CCDC66: variants seen among roughly 807,000 people sequenced by gnomAD.
The protein encoded by CCDC66 is coiled-coil domain-containing protein 66.
Under a neutral mutation model 128.3 loss-of-function variants are expected in CCDC66, and 133 were observed. The observed-to-expected ratio is 1.04, with a 90% CI of 0.90 to 1.20. CCDC66 has a LOEUF of 1.20. CCDC66 is among the 50% of genes most tolerant of loss of function. CCDC66 has a pLI of 0.00. For synonymous variants in CCDC66, 387 were observed against 357.0 expected (o/e 1.08, Z -0.95); for missense variants, 1,126 against 1,075.5 (o/e 1.05, Z -0.66).
Position 56,613,704 on chromosome 3 carries a change from T to A in CCDC66, c.1520T>A (p.Met507Lys). ...ELRLAQEREE[M>K]QKQYEEDILK... ...CGCTTAGCACAGGAACGTGAAGAGATGCAGAAACAGTATGAAGAAGACATA... is the reference window on the plus strand; with the variant it reads ...CGCTTAGCACAGGAACGTGAAGAGAAGCAGAAACAGTATGAAGAAGACATA... The change falls in exon 11 of 18, where the codon ATG (methionine) becomes AAG (lysine). Residue 507 changes from methionine to lysine, a missense_variant. Physicochemically the swap from Met to Lys is moderately conservative, Grantham distance 95. Transcript: ENST00000394672. 6.2e-7 allele frequency: 1 copy of A among 1,613,910 alleles called. No homozygotes were observed. Among genetic ancestry groups the A allele is most frequent in the East Asian group, 2.2e-5 (1 of 44,870 alleles).
rs184859178 is a variant in CCDC66, at chr3:56,615,285, C to G, written c.1711+13C>G. ...AAAAATCTTGGTGGTAAGGGCCTAA[C>G]CAGAACTTTATTTATAATATTTTTA... is the stretch of plus-strand genomic sequence containing the variant. On this transcript the variant is annotated intron_variant, in intron 12 of 17. Coordinates refer to ENST00000394672, the MANE Select transcript of CCDC66 (RefSeq NM_001141947.3). The G allele has an allele frequency of 3.1e-6, 5 of 1,587,426 alleles. No individual in the cohort carries two copies. In the African/African-American group the frequency reaches 5.5e-5, roughly 17 times the overall value.
chr3:56,582,845 TTTCTTTA>T lies in CCDC66; in HGVS notation c.937-10122_937-10116del, dbSNP rs1468511443. On this transcript the variant is annotated intron_variant, in intron 7 of 17. Coordinates refer to ENST00000394672, the MANE Select transcript of CCDC66 (RefSeq NM_001141947.3). ...TCTTTCCCTTTTTTGACTTCTCAACTTTCTTTATTATTATTATTATTATTATTATTAT... is the reference window on the plus strand; with the variant it reads ...TCTTTCCCTTTTTTGACTTCTCAACTTTATTATTATTATTATTATTATTAT... 2.0e-3 allele frequency among the ~76,000 whole-genome samples: 252 copies of T among 127,890 alleles called. 3 individuals are homozygous for T. The highest frequency in any genetic ancestry group is 6.0e-3 in the South Asian group (23 of 3,818). 83.9% of individuals were successfully genotyped at this position (127,890 alleles called of 152,430 possible).
chr3:56,557,163 G>T (rs1336440793), upstream of CCDC66: 1 of 1,541,956 alleles, frequency 6.5e-7, no homozygotes, highest in South Asian at 1.2e-5. Context: ...TCCAATTGGC[G>T]TAGCGCTTGC....
At chr3:56,606,543 G>T (rs922454300) in intron 10 of CCDC66, among the ~76,000 whole-genome samples, 7 of 151,892 alleles carry the variant, frequency 4.6e-5, no homozygotes, top group African/African-American at 1.5e-4. Flanking sequence ...AGATTTCCCT[G>T]ACCCTTTGCA....
chr3:56,603,776 G>C (rs1288071908), intron 10 of CCDC66, among the ~76,000 whole-genome samples: 1 of 152,000 alleles, frequency 6.6e-6, no homozygotes, highest in African/African-American at 2.4e-5. Context: ...ATTTGGGGTG[G>C]AGAGTTCTGT....
At position 56,559,541 on chromosome 3, in the gene CCDC66, G is replaced by A. The variant is rs766694547; in HGVS notation, c.77-28G>A. 1.1e-5 allele frequency: 16 copies of A among 1,480,986 alleles called. 1 individual carries two copies. The South Asian group carries it at 1.7e-4, about 15-fold the overall frequency. 91.7% of individuals were successfully genotyped at this position (1,480,986 alleles called of 1,614,324 possible). A position where few individuals can be genotyped will look rare whatever the true frequency, so the allele number is the denominator to read the frequency against. ...CACCTTAGTATGCTTTTGGTGGATAGTTTAGTAATTTCTTTTTTCTTTTGT... is the reference window on the plus strand; with the variant it reads ...CACCTTAGTATGCTTTTGGTGGATAATTTAGTAATTTCTTTTTTCTTTTGT... On this transcript the variant is annotated intron_variant, in intron 2 of 17. Coordinates refer to ENST00000394672, the MANE Select transcript of CCDC66 (RefSeq NM_001141947.3).
At chr3:56,620,803 T>C (rs763645466) in intron 17 of CCDC66, 1 of 152,222 alleles carries the variant, frequency 6.6e-6, no homozygotes, top group Non-Finnish European at 1.5e-5. Flanking sequence ...CCCAGTGTTA[T>C]TTCAGCAGGA....
rs752243457 is a variant in CCDC66 at position 56,615,219 on chromosome 3, G to A, written c.1658G>A (p.Arg553Gln). The change falls in exon 12 of 18, where the codon CGA (arginine) becomes CAA (glutamine). Residue 553 changes from arginine (R) to glutamine (Q), a missense_variant. Arg to Gln is a conservative substitution (Grantham distance 43). Coordinates refer to ENST00000394672, the MANE Select transcript of CCDC66 (RefSeq NM_001141947.3). ...AQRLKQEQRI[R>Q]ELAQKGHDTS... ...AGACTAAAACAAGAACAAAGAATCC[G>A]AGAATTGGCGCAAAAGGGACATGAC... is the stretch of plus-strand genomic sequence containing the variant. The A allele has an allele frequency of 3.7e-5, 59 of 1,613,892 alleles. No homozygotes were observed. The East Asian group carries it at 1.1e-3, about 30-fold the overall frequency.
rs777086322 is a variant in CCDC66, at chr3:56,593,758, G to A, written c.1319+17G>A. Reference sequence around the variant, plus strand: ...GAAAACAAAGTAAGTTCATGCTTATGTATTTATTGACTTTTCAGAAAGTCT... The same window carrying A: ...GAAAACAAAGTAAGTTCATGCTTATATATTTATTGACTTTTCAGAAAGTCT... On this transcript the variant is annotated intron_variant, in intron 9 of 17. Coordinates refer to ENST00000394672, the MANE Select transcript of CCDC66 (RefSeq NM_001141947.3). 2 of 1,605,772 alleles carry A rather than the reference G, an allele frequency of 1.2e-6. No homozygotes were observed.
chr3:56,606,305 C>G (rs1395043925), intron 10 of CCDC66, among the ~76,000 whole-genome samples: 4 of 152,036 alleles, frequency 2.6e-5, no homozygotes, highest in Non-Finnish European at 4.4e-5. Flanking sequence ...CACTGGCATT[C>G]CAGGCACCAC....
intron 3 of CCDC66, among the ~76,000 whole-genome samples, chr3:56,560,312 C>A (rs2064925671): frequency 6.6e-6 from 1 of 152,164 alleles, no homozygotes; most frequent in Non-Finnish European, 1.5e-5. Flanking sequence ...GGCTGCAGAT[C>A]TTCCTCCTCC....
intron 7 of CCDC66, among the ~76,000 whole-genome samples, chr3:56,573,655 CA>C (rs1195184676): frequency 6.6e-6 from 1 of 152,148 alleles, no homozygotes; most frequent in African/African-American, 2.4e-5. Flanking sequence ...ACCTTTTGGA[CA>C]GAAGCATCAG....
At chr3:56,580,503 C>G (rs899036159) in intron 7 of CCDC66, among the ~76,000 whole-genome samples, 14 of 151,722 alleles carry the variant, frequency 9.2e-5, no homozygotes, top group African/African-American at 2.7e-4. Flanking sequence ...TCTTCCTAGC[C>G]TCGATGGTCT....
intron 10 of CCDC66, among the ~76,000 whole-genome samples, chr3:56,603,129 C>G (rs931748260): frequency 6.6e-5 from 10 of 151,928 alleles, no homozygotes; most frequent in Non-Finnish European, 2.9e-5. Context: ...GGCACGGCAC[C>G]CGGCCCCCTT....
intron 10 of CCDC66, among the ~76,000 whole-genome samples, chr3:56,611,184 C>T (rs1453686664): frequency 6.6e-6 from 1 of 151,982 alleles, no homozygotes; most frequent in Non-Finnish European, 1.5e-5. Context: ...AGAAGGACCA[C>T]CAGGTGGGGG....
intron 7 of CCDC66, among the ~76,000 whole-genome samples, chr3:56,578,705 A>G (rs747144690): frequency 2.0e-5 from 3 of 151,756 alleles, no homozygotes; most frequent in Non-Finnish European, 4.4e-5. Context: ...ATGTGAATAG[A>G]TTACGTTTAT....
chr3:56,618,113 T>C lies in CCDC66; in HGVS notation c.2338-59T>C, dbSNP rs966604392. 6 of 1,297,502 alleles carry C rather than the reference T, an allele frequency of 4.6e-6. No homozygotes were observed. The Admixed American group carries it at 1.1e-4, about 23-fold the overall frequency. The allele number at this position is 1,297,502 out of a possible 1,614,324, so 80.4% of individuals were successfully genotyped here. On this transcript the variant is annotated intron_variant, in intron 14 of 17. Transcript: ENST00000394672. ...TTCAACAAGTAGCCCTAAAAATATTTGTGGGGACATGTGAAGATGCTATAT... is the reference window on the plus strand; with the variant it reads ...TTCAACAAGTAGCCCTAAAAATATTCGTGGGGACATGTGAAGATGCTATAT...
chr3:56,615,767 A>G, intron 12 of CCDC66, 155 bp from the exon 13 acceptor site: 1 of 499,482 alleles, frequency 2.0e-6, no homozygotes, highest in Non-Finnish European at 3.4e-6. Flanking sequence ...CCCTAAATTC[A>G]GTAACTGATA....
chr3:56,607,151 T>C (rs1168402274), intron 10 of CCDC66, among the ~76,000 whole-genome samples: 2 of 152,156 alleles, frequency 1.3e-5, no homozygotes, highest in Non-Finnish European at 2.9e-5. Flanking sequence ...ATATGAAGTT[T>C]AGAATTGTTT....
Sources: allele counts gnomAD v4.1 joint callset (sites outside exome capture counted in the v4.1 genomes callset), GRCh38; gene constraint gnomAD v4.1.1; transcripts MANE v1.5; gene names NCBI Gene and HGNC (gene_info 2026-07-23, HGNC 2026-07-21).